Variants in ESPL1 observed in about 807,000 individuals in gnomAD.
ESPL1 encodes separin.
Under a neutral mutation model 217.2 loss-of-function variants are expected in ESPL1, and 50 were observed. The observed-to-expected ratio is 0.23, with a 90% CI of 0.18 to 0.29. The LOEUF is 0.29. Among genes scored for constraint, ESPL1 ranks in the 10% least tolerant of loss-of-function variants. The probability of loss-of-function intolerance (pLI) is 1.00; values close to 1 mark genes in which losing one functional copy is unlikely to be tolerated. For synonymous variants in ESPL1, 994 were observed against 1,081.3 expected (o/e 0.92, Z 1.58); for missense variants, 1,834 against 2,603.0 (o/e 0.70, Z 6.43).
chr12:53,276,947 C>G (rs1943775889), intron 8 of ESPL1, 88 bp downstream of exon 8: 2 of 1,563,658 alleles, frequency 1.3e-6, no homozygotes, highest in African/African-American at 2.7e-5. Flanking sequence ...CTCCACAGCC[C>G]TGAGCTCTCC....
intron 20 of ESPL1, 65 bp from the exon 21 acceptor site, chr12:53,289,024 TG>T (rs1944007188): frequency 7.7e-7 from 1 of 1,296,830 alleles, no homozygotes; most frequent in African/African-American, 1.5e-5. Context: ...TGTTCCTTCT[TG>T]GAAAGTTCCT....
At position 53,283,187 on chromosome 12, in the gene ESPL1, C is replaced by T; in HGVS notation, c.2850C>T (p.Ile950=). Residue 950 remains isoleucine (I), a synonymous_variant, in exon 15 of 31, where the codon ATC becomes ATT. Transcript: ENST00000257934. ...CCCATAAGCTCCTCCGAAGCATCAT[C>T]CTCCTGCTGATGGGCAGTGACATTC... ...IDSHKLLRSI[I]LLLMGSDILS... 1.2e-6 allele frequency: 2 copies of T among 1,614,210 alleles called. No individual in the cohort carries two copies. The highest frequency in any genetic ancestry group is 1.6e-4 in the Middle Eastern group (1 of 6,062).
rs747469555 is a variant in ESPL1, at chr12:53,277,553, C to A, written c.2169C>A (p.Leu723=). The stretch of plus-strand genomic sequence containing the variant: ...ATGACCTGAACTATGAAGATAAACT[C>A]CAGGAAGATCGTTTCCTATACAGTA... ...EVNDLNYEDK[L]QEDRFLYSNI... Residue 723 remains leucine (L), a synonymous_variant, in exon 10 of 31, where the codon CTC becomes CTA. Coordinates refer to ENST00000257934, the MANE Select transcript of ESPL1 (RefSeq NM_012291.5). 1 of 1,614,142 alleles carries A rather than the reference C, an allele frequency of 6.2e-7. No individual in the cohort carries two copies. The highest frequency in any genetic ancestry group is 1.1e-5 in the South Asian group (1 of 91,084).
rs74090735 is a variant in ESPL1, at chr12:53,292,701, G to A, written c.5996+44G>A. ...GATGTGGGGAGAGGGGCAGTCCTGAGGATGGTATCACCATGGGTTGCTTTG... is the reference window on the plus strand; with the variant it reads ...GATGTGGGGAGAGGGGCAGTCCTGAAGATGGTATCACCATGGGTTGCTTTG... On this transcript the variant is annotated intron_variant, in intron 29 of 30. Transcript: ENST00000257934. This position sits in a 1 kb window ranked among gnomAD's most constrained non-coding sequence, Gnocchi z 4.5. 2.5e-6 allele frequency: 4 copies of A among 1,599,540 alleles called. No homozygotes were observed. The highest frequency in any genetic ancestry group is 3.4e-6 in the Non-Finnish European group (4 of 1,168,486).
chr12:53,272,042 G>A (rs895699970), intron 5 of ESPL1, among the ~76,000 whole-genome samples: 3 of 150,670 alleles, frequency 2.0e-5, no homozygotes, highest in Non-Finnish European at 4.4e-5. Flanking sequence ...AGCCAAGATC[G>A]TGCCACTGCT....
At chr12:53,274,675 C>T (rs1943733539) in intron 6 of ESPL1, 142 bp from the exon 7 acceptor site, 1 of 639,056 alleles carries the variant, frequency 1.6e-6, no homozygotes, top group Non-Finnish European at 2.8e-6. Context: ...TGTCTCCTGC[C>T]TTGGGTGGGT....
In ESPL1 at chr12:53,286,390, C is replaced by T. The variant is rs1769433325; in HGVS notation, c.3654C>T (p.Leu1218=). 8.1e-6 allele frequency: 13 copies of T among 1,614,206 alleles called. No homozygotes were observed. Among genetic ancestry groups the T allele is most frequent in the Non-Finnish European group, 1.1e-5 (13 of 1,180,046 alleles). Residue 1218 remains leucine, a synonymous_variant, in exon 18 of 31, where the codon CTC becomes CTT. Coordinates refer to ENST00000257934, the MANE Select transcript of ESPL1 (RefSeq NM_012291.5). The surrounding 1 kb of genome is among the most constrained non-coding windows in gnomAD (Gnocchi z 5.3). ...HKTPPSLVPS[L]LDEILAQAYT... is the part of the protein sequence containing the mutation. Reference sequence around the variant, plus strand: ...CACCCCCCTCCTTGGTTCCAAGCCTCTTGGATGAGATCTTGGCTCAAGCAT... The same window carrying T: ...CACCCCCCTCCTTGGTTCCAAGCCTTTTGGATGAGATCTTGGCTCAAGCAT...
chr12:53,288,600 G>A lies in ESPL1; in HGVS notation c.4609G>A (p.Asp1537Asn), dbSNP rs1190851058. The change falls in exon 20 of 31, where the codon GAT becomes AAT. Residue 1537 changes from aspartate (D) to asparagine (N), a missense_variant. This residue lies in a region of ESPL1 where 681 missense variants were observed against 808.0 expected (regional missense o/e 0.84). Coordinates refer to ENST00000257934, the MANE Select transcript of ESPL1 (RefSeq NM_012291.5). Reference sequence around the variant, plus strand: ...TGGAGAATGGGAGCTGCTGAGGCTGGATTCCAGCAAGAAGAAGCTGCCCAG... The same window carrying A: ...TGGAGAATGGGAGCTGCTGAGGCTGAATTCCAGCAAGAAGAAGCTGCCCAG... ...ASGEWELLRL[D>N]SSKKKLPSPC... The A allele has an allele frequency of 1.2e-6, 2 of 1,613,860 alleles. No homozygotes were observed. Among genetic ancestry groups the A allele is most frequent in the Non-Finnish European group, 1.7e-6 (2 of 1,180,016 alleles).
chr12:53,291,663 GT>G, intron 25 of ESPL1, 26 bp from the exon 26 acceptor site: 1 of 1,604,210 alleles, frequency 6.2e-7, no homozygotes, highest in Non-Finnish European at 8.5e-7. Flanking sequence ...AATGAAGATG[GT>G]GCTCACCACC....
chr12:53,283,094 T>C (rs1238324158), intron 14 of ESPL1, 35 bp from the exon 15 acceptor site: 1 of 1,613,470 alleles, frequency 6.2e-7, no homozygotes, highest in Non-Finnish European at 8.5e-7. Context: ...AAGTTCTGGC[T>C]GCATCTTCTC....
chr12:53,291,015 G>T lies in ESPL1; in HGVS notation c.5520+19G>T. The T allele has an allele frequency of 1.3e-6, 2 of 1,561,474 alleles. No homozygotes were observed. Among genetic ancestry groups the T allele is most frequent in the Non-Finnish European group, 1.7e-6 (2 of 1,152,248 alleles). ...GCTGAAAGTGAGTGAGGAAAGCAGGGAAGGGGGCCAGGCCCAGTGGCTTGC... is the reference window on the plus strand; with the variant it reads ...GCTGAAAGTGAGTGAGGAAAGCAGGTAAGGGGGCCAGGCCCAGTGGCTTGC... On this transcript the variant is annotated intron_variant, in intron 25 of 30. Transcript: ENST00000257934.
Position 53,292,861 on chromosome 12 carries a change from C to G in ESPL1, c.6052C>G (p.Leu2018Val). Residue 2018 changes from leucine to valine, a missense_variant, in exon 30 of 31, where the codon CTG (leucine) becomes GTG (valine). Around this residue, in one of 5 missense-constraint regions of ESPL1, gnomAD observed 295 missense variants for 519.8 expected, o/e 0.57. Coordinates refer to ENST00000257934, the MANE Select transcript of ESPL1 (RefSeq NM_012291.5). The surrounding 1 kb of genome is among the most constrained non-coding windows in gnomAD (Gnocchi z 4.5). ...CCTTGATGGGCAGGCTGTCCTGCGG[C>G]TGAGCTGTCGGGCAGTGGCCCTGCT... is the stretch of plus-strand genomic sequence containing the variant. ...RFLDGQAVLR[L>V]SCRAVALLFG... 2 of 1,612,882 alleles carry G rather than the reference C, an allele frequency of 1.2e-6. No individual in the cohort carries two copies. The highest frequency in any genetic ancestry group is 3.3e-4 in the Middle Eastern group (2 of 6,062).
In ESPL1 at chr12:53,288,185, A is replaced by G. The variant is rs745523205; in HGVS notation, c.4390A>G (p.Arg1464Gly). ...RSRRAKKVAS[R>G]HCEERRPQRA... ...CCGGAGGGCCAAGAAGGTGGCATCAAGACATTGTGAGGAGCGGCGTCCCCA... is the reference window on the plus strand; with the variant it reads ...CCGGAGGGCCAAGAAGGTGGCATCAGGACATTGTGAGGAGCGGCGTCCCCA... Residue 1464 changes from arginine to glycine, a missense_variant, in exon 19 of 31, where the codon AGA becomes GGA. By Grantham distance (125) the Arg-to-Gly change is moderately radical (BLOSUM62 -2). Around this residue, in one of 5 missense-constraint regions of ESPL1, gnomAD observed 681 missense variants for 808.0 expected, o/e 0.84. Transcript: ENST00000257934. 1.1e-5 allele frequency: 18 copies of G among 1,612,142 alleles called. No homozygotes were observed. The South Asian group carries it at 1.9e-4, about 17-fold the overall frequency.
chr12:53,279,543 T>C (rs1943826095), intron 11 of ESPL1, among the ~76,000 whole-genome samples, 189 bp from the exon 12 acceptor site: 1 of 152,226 alleles, frequency 6.6e-6, no homozygotes, highest in South Asian at 2.1e-4. Context: ...ATCCTGGCTA[T>C]TGATGATGAA....
At position 53,282,631 on chromosome 12, in the gene ESPL1, A is replaced by G. The variant is rs1943882567; in HGVS notation, c.2791+196A>G. Reference sequence around the variant, plus strand: ...TAAACAATTGGTGACTGCCTGGAATACTAGGCTGAAAGGATTTTTTTTTCT... The same window carrying G: ...TAAACAATTGGTGACTGCCTGGAATGCTAGGCTGAAAGGATTTTTTTTTCT... On this transcript the variant is annotated intron_variant, in intron 14 of 30. Transcript: ENST00000257934. The surrounding 1 kb of genome is among the most constrained non-coding windows in gnomAD (Gnocchi z 4.0). 6.6e-6 allele frequency among the ~76,000 whole-genome samples: 1 copy of G among 152,164 alleles called. No homozygotes were observed. The highest frequency in any genetic ancestry group is 1.5e-5 in the Non-Finnish European group (1 of 68,016).
At chr12:53,290,319 A>G (rs1337231111) in intron 23 of ESPL1, 28 bp from the exon 24 acceptor site, 7 of 1,611,460 alleles carry the variant, frequency 4.3e-6, no homozygotes, top group South Asian at 1.1e-5. Flanking sequence ...GTGGACAAGC[A>G]GAGCTCTCAC....
In ESPL1 at chr12:53,289,553, A is replaced by C. The variant is rs754783459; in HGVS notation, c.5072A>C (p.Glu1691Ala). 6.2e-7 allele frequency: 1 copy of C among 1,614,112 alleles called. No homozygotes were observed. The highest frequency in any genetic ancestry group is 8.5e-7 in the Non-Finnish European group (1 of 1,180,038). ...GAATCTGGCCACTTCCCCCAGCCTG[A>C]AAAGGAGAGTTTCCAGGAGCGCCTG... ...ALESGHFPQPEKESFQERLAL... is the reference protein window; with the variant it reads ...ALESGHFPQPAKESFQERLAL... The change falls in exon 22 of 31, where the codon GAA (glutamate) becomes GCA (alanine). Residue 1691 changes from glutamate to alanine, a missense_variant. Coordinates refer to ENST00000257934, the MANE Select transcript of ESPL1 (RefSeq NM_012291.5).
chr12:53,291,698 C>T lies in ESPL1; in HGVS notation c.5529C>T (p.Leu1843=), dbSNP rs375388351. 6.2e-6 allele frequency: 10 copies of T among 1,613,648 alleles called. No homozygotes were observed. Among genetic ancestry groups the T allele is most frequent in the Non-Finnish European group, 7.6e-6 (9 of 1,179,826 alleles). The change falls in exon 26 of 31, where the codon CTC becomes CTT. Residue 1843 remains leucine (L), a synonymous_variant. Transcript: ENST00000257934. ...CCACTGTTTCCCTGCAGATCATGCT[C>T]AGTGGTGCCGGTGCCCTCACCCCTC... ...YPDRTLLKIM[L]SGAGALTPQD... is the part of the protein sequence containing the mutation.
rs1555188256 is a variant in ESPL1 at position 53,291,674 on chromosome 12, C to A, written c.5521-16C>A. 6.2e-7 allele frequency: 1 copy of A among 1,610,950 alleles called. No homozygotes were observed. The highest frequency in any genetic ancestry group is 8.5e-7 in the Non-Finnish European group (1 of 1,178,782). ...CATGAATGAAGATGGTGCTCACCAC[C>A]ACTGTTTCCCTGCAGATCATGCTCA... is the stretch of plus-strand genomic sequence containing the variant. On this transcript the variant is annotated splice_polypyrimidine_tract_variant and intron_variant, in intron 25 of 30. Transcript: ENST00000257934.
Sources: gnomAD v4.1 joint callset for allele counts (sites outside exome capture counted in the v4.1 genomes callset) on GRCh38, gnomAD v4.1.1 for gene constraint, gnomAD v4.1.1 regional missense constraint, Gnocchi (gnomAD v3.1) non-coding constraint, MANE v1.5 for transcripts, NCBI Gene and HGNC (gene_info 2026-07-23, HGNC 2026-07-21) for gene names.